Variants in PARD3B observed in about 807,000 individuals in gnomAD.
PARD3B encodes the protein par-3 family cell polarity regulator beta.
A neutral mutation model predicts 130.2 loss-of-function variants in PARD3B; 103 were observed. That is an observed-to-expected ratio of 0.79 (90% CI 0.67 to 0.93). The LOEUF (loss-of-function observed/expected upper bound fraction) is 0.93. Among genes scored for constraint, PARD3B ranks in the 40% least tolerant of loss-of-function variants. The probability of loss-of-function intolerance (pLI) is 0.00; values close to 1 mark genes in which losing one functional copy is unlikely to be tolerated. For synonymous variants in PARD3B, 583 were observed against 553.2 expected, an observed-to-expected ratio of 1.05 and a Z score of -0.76; for missense variants, 1,609 against 1,499.2, an observed-to-expected ratio of 1.07 and a Z score of -1.21.
At chr2:204,634,129 G>C (rs2034789117) in intron 1 of PARD3B, among the ~76,000 whole-genome samples, 1 of 151,914 alleles carries the variant, frequency 6.6e-6, no homozygotes, top group Non-Finnish European at 1.5e-5. Context: ...CCTCCCTCCT[G>C]CCCTAGCTCC....
intron 21 of PARD3B, among the ~76,000 whole-genome samples, chr2:205,552,763 T>TA (rs1178397352): frequency 6.6e-6 from 1 of 152,048 alleles, no homozygotes; most frequent in Non-Finnish European, 1.5e-5. Flanking sequence ...AGAAGAGCTA[T>TA]AATGGCGTGA....
At position 205,387,085 on chromosome 2, in the gene PARD3B, CAG is replaced by C. The variant is rs577586806; in HGVS notation, c.2631-13926_2631-13925del. 3.3e-5 allele frequency among the ~76,000 whole-genome samples: 5 copies of C among 152,238 alleles called. No homozygotes were observed. The South Asian group carries it at 1.0e-3, about 32-fold the overall frequency. ...CAGTATATAATATGCATATTTCACA[CAG>C]AAATCCAATACATTTATAAATACAT... On this transcript the variant is annotated intron_variant, in intron 18 of 22. Coordinates refer to ENST00000406610, the MANE Select transcript of PARD3B (RefSeq NM_001302769.2).
chr2:204,905,536 A>T (rs2047013283), intron 2 of PARD3B, among the ~76,000 whole-genome samples: 1 of 152,236 alleles, frequency 6.6e-6, no homozygotes, highest in Non-Finnish European at 1.5e-5. Flanking sequence ...GGATCACTAA[A>T]TGTAACCGGT....
intron 15 of PARD3B, among the ~76,000 whole-genome samples, chr2:205,234,999 A>C (rs1002112683): frequency 6.6e-6 from 1 of 152,244 alleles, no homozygotes; most frequent in Non-Finnish European, 1.5e-5. Context: ...ATGAAAATAA[A>C]AACACTTCCT....
intron 1 of PARD3B, among the ~76,000 whole-genome samples, chr2:204,584,245 G>A (rs2032720200): frequency 6.6e-6 from 1 of 152,172 alleles, no homozygotes. Context: ...CTTGGATCAG[G>A]TCTTTTCCTC....
chr2:205,451,565 T>C (rs980481350), intron 20 of PARD3B, among the ~76,000 whole-genome samples: 2 of 152,138 alleles, frequency 1.3e-5, no homozygotes, highest in African/African-American at 4.8e-5. Flanking sequence ...TATATTCTTA[T>C]TAACTCCCTG....
rs756670272 is a variant in PARD3B, at chr2:205,615,693, C to T, written c.3498C>T (p.His1166=). ...ACGTTCCGCCTTCCCCTCCCCAGCA[C>T]CAAAGAATGCCAGCCTATCAGGAAA... ...RQDVPPSPPQ[H]QRMPAYQETG... is the part of the protein sequence containing the mutation. Residue 1166 remains histidine, a synonymous_variant, in exon 23 of 23, where the codon CAC becomes CAT. Coordinates refer to ENST00000406610, the MANE Select transcript of PARD3B (RefSeq NM_001302769.2). 24 of 1,614,100 alleles carry T rather than the reference C, an allele frequency of 1.5e-5. No homozygotes were observed. The highest frequency in any genetic ancestry group is 2.0e-5 in the Non-Finnish European group (24 of 1,180,026).
At chr2:205,540,775 G>GGCAGTTGGCAA (rs1344487777) in intron 21 of PARD3B, among the ~76,000 whole-genome samples, 1 of 152,186 alleles carries the variant, frequency 6.6e-6, no homozygotes, top group Non-Finnish European at 1.5e-5. Context: ...AGTCATATCT[G>GGCAGTTGGCAA]GCAGTTGGCA....
chr2:205,481,435 G>T (rs2049231546), intron 20 of PARD3B, among the ~76,000 whole-genome samples: 1 of 152,142 alleles, frequency 6.6e-6, no homozygotes, highest in African/African-American at 2.4e-5. Context: ...ATGTGGGAAT[G>T]TATTAGAATG....
intron 3 of PARD3B, among the ~76,000 whole-genome samples, chr2:204,976,142 T>C (rs1216936038): frequency 1.3e-5 from 2 of 152,194 alleles, no homozygotes; most frequent in African/African-American, 4.8e-5. Flanking sequence ...ACCCAAAATA[T>C]TGTACTTTAT....
intron 22 of PARD3B, among the ~76,000 whole-genome samples, chr2:205,596,720 A>G (rs2054584783): frequency 6.6e-6 from 1 of 152,114 alleles, no homozygotes; most frequent in South Asian, 2.1e-4. Context: ...AATGTATGTA[A>G]TCATGTTTGT....
intron 18 of PARD3B, among the ~76,000 whole-genome samples, chr2:205,327,120 A>G (rs2042963799): frequency 1.3e-5 from 2 of 152,198 alleles, no homozygotes; most frequent in African/African-American, 4.8e-5. Flanking sequence ...TTCAGCATAT[A>G]CATGACTGCT....
chr2:205,500,162 A>G (rs1365956488), intron 21 of PARD3B, 131 bp downstream of exon 21: 4 of 1,073,548 alleles, frequency 3.7e-6, no homozygotes, highest in Non-Finnish European at 3.9e-6. Context: ...AGACAGGAAC[A>G]TTACCCAAAC....
At chr2:205,447,544 A>AT (rs1206364358) in intron 20 of PARD3B, among the ~76,000 whole-genome samples, 1 of 152,014 alleles carries the variant, frequency 6.6e-6, no homozygotes, top group Non-Finnish European at 1.5e-5. Flanking sequence ...AACCCAGCTA[A>AT]TTTTTTGTAT....
intron 1 of PARD3B, among the ~76,000 whole-genome samples, chr2:204,559,561 G>T (rs934401844): frequency 9.9e-5 from 15 of 152,210 alleles, no homozygotes; most frequent in African/African-American, 3.1e-4. Context: ...AGGATGTGGA[G>T]AAATAGGAAT....
intron 21 of PARD3B, among the ~76,000 whole-genome samples, chr2:205,510,097 A>T (rs2050532743): frequency 6.6e-6 from 1 of 152,220 alleles, no homozygotes; most frequent in African/African-American, 2.4e-5. Flanking sequence ...GCCTGAGTTC[A>T]CATCCAGGCT....
At chr2:205,489,551 T>TATATATACGTATATATATAC (rs1553524261) in intron 20 of PARD3B, among the ~76,000 whole-genome samples, 5,594 of 138,392 alleles carry the variant, frequency 0.04, 407 homozygotes, top group African/African-American at 0.14. Flanking sequence ...TATATATGTA[T>TATATATACGTATATATATAC]ATATATACAT....
At chr2:205,353,461 A>G (rs917869133) in intron 18 of PARD3B, among the ~76,000 whole-genome samples, 1 of 152,184 alleles carries the variant, frequency 6.6e-6, no homozygotes, top group Non-Finnish European at 1.5e-5. Context: ...ATGAAGCACA[A>G]TTTCTGAAAT....
intron 10 of PARD3B, among the ~76,000 whole-genome samples, chr2:205,145,070 A>G (rs146091948): frequency 6.6e-6 from 1 of 152,282 alleles, no homozygotes; most frequent in East Asian, 1.9e-4. Context: ...AAGATGATTG[A>G]GATGTAATCC....
Sources: gnomAD v4.1 joint callset for allele counts (sites outside exome capture counted in the v4.1 genomes callset) on GRCh38, gnomAD v4.1.1 for gene constraint, MANE v1.5 for transcripts, NCBI Gene and HGNC (gene_info 2026-07-23, HGNC 2026-07-21) for gene names.